The following SLCO5A1 variants were observed in gnomAD, a reference collection of about 807,000 sequenced individuals.
SLCO5A1 encodes the protein organic anion transporter polypeptide-related protein 4.
SLCO5A1 carries 39 observed loss-of-function variants against 65.1 expected under a neutral mutation model. That is an observed-to-expected ratio of 0.60 (90% CI 0.46 to 0.78). The LOEUF (loss-of-function observed/expected upper bound fraction) is 0.78. SLCO5A1 is among the 30% of genes least tolerant of loss of function. The probability of loss-of-function intolerance (pLI) is 0.00; values close to 1 mark genes in which losing one functional copy is unlikely to be tolerated. For missense variants in SLCO5A1, 1,029 were observed against 1,069.4 expected (o/e 0.96, Z 0.53); for synonymous variants, 438 against 415.7 (o/e 1.05, Z -0.65).
chr8:69,735,690 G>A lies in SLCO5A1; in HGVS notation c.1423+2350C>T, dbSNP rs114455855. ...TTGTGGGATTGAGGGGAGAAAGAGA[G>A]CATCAGGGAAAATAGCTAATGCATG... On this transcript the variant is annotated intron_variant, in intron 5 of 9. Transcript: ENST00000260126. 8.0e-3 allele frequency among the ~76,000 whole-genome samples: 1,218 copies of A among 151,948 alleles called. 13 individuals carry two copies. The highest frequency in any genetic ancestry group is 0.028 in the African/African-American group (1,163 of 41,274).
intron 5 of SLCO5A1, among the ~76,000 whole-genome samples, chr8:69,711,248 T>C (rs1469227733): frequency 6.6e-6 from 1 of 152,038 alleles, no homozygotes; most frequent in Non-Finnish European, 1.5e-5. Context: ...CCCTGGCTGG[T>C]GCCCTCTTTC....
At chr8:69,815,532 C>A (rs1319787489) in intron 2 of SLCO5A1, among the ~76,000 whole-genome samples, 7 of 152,046 alleles carry the variant, frequency 4.6e-5, no homozygotes, top group Non-Finnish European at 4.4e-5. Context: ...CCAGTTACTT[C>A]ATTGATGAGC....
chr8:69,735,156 A>T (rs1026924099), intron 5 of SLCO5A1, among the ~76,000 whole-genome samples: 1 of 152,206 alleles, frequency 6.6e-6, no homozygotes, highest in African/African-American at 2.4e-5. Context: ...CGATTATTAA[A>T]AAGTCAAGAA....
At chr8:69,802,313 G>A (rs1460144663) in intron 2 of SLCO5A1, among the ~76,000 whole-genome samples, 1 of 151,498 alleles carries the variant, frequency 6.6e-6, no homozygotes, top group Non-Finnish European at 1.5e-5. Flanking sequence ...GACCAGTCTG[G>A]GCAACATAGT....
chr8:69,730,703 C>T (rs893163782), intron 5 of SLCO5A1, among the ~76,000 whole-genome samples: 1 of 152,136 alleles, frequency 6.6e-6, no homozygotes, highest in Admixed American at 6.5e-5. Flanking sequence ...ATGGTTTGTA[C>T]CAGCTTGTCA....
rs189723047 is a variant in SLCO5A1 at position 69,802,175 on chromosome 8, T to C, written c.907+29592A>G. ...AGATTAATAATGGGGATCAGCACGA[T>C]AAAAGGGCTTAGAAAATTCTTCAAT... On this transcript the variant is annotated intron_variant, in intron 2 of 9. Coordinates refer to ENST00000260126, the MANE Select transcript of SLCO5A1 (RefSeq NM_030958.3). Among the ~76,000 whole-genome samples, 15 of 152,206 alleles carry C rather than the reference T, an allele frequency of 9.9e-5. No homozygotes were observed. The East Asian group carries it at 2.9e-3, about 29-fold the overall frequency.
At chr8:69,778,364 G>A (rs1339632684) in intron 2 of SLCO5A1, among the ~76,000 whole-genome samples, 3 of 151,986 alleles carry the variant, frequency 2.0e-5, no homozygotes, top group Non-Finnish European at 4.4e-5. Flanking sequence ...AGATCTAAAA[G>A]TGGATTCTGG....
At chr8:69,676,426 AAAC>A (rs1335360620) in intron 9 of SLCO5A1, among the ~76,000 whole-genome samples, 180 bp downstream of exon 9, 1 of 152,208 alleles carries the variant, frequency 6.6e-6, no homozygotes, top group African/African-American at 2.4e-5. Flanking sequence ...TTGTTTCATC[AAAC>A]AACAGAACCT....
rs1396256266 is a variant in SLCO5A1, at chr8:69,738,066, G to A, written c.1397C>T (p.Pro466Leu). Residue 466 changes from proline (P) to leucine (L), a missense_variant, in exon 5 of 10, where the codon CCA (proline) becomes CTA (leucine). Around this residue, in one of 3 missense-constraint regions of SLCO5A1, gnomAD observed 647 missense variants for 647.5 expected, o/e 1.00. Coordinates refer to ENST00000260126, the MANE Select transcript of SLCO5A1 (RefSeq NM_030958.3). Reference sequence around the variant, plus strand: ...AGTGTAGATGCTGGCATTGGAGGCTGGGATACCAAACTGTGACTCGATGAA... The same window carrying A: ...AGTGTAGATGCTGGCATTGGAGGCTAGGATACCAAACTGTGACTCGATGAA... ...PKFIESQFGIPASNASIYTGV... is the reference protein window; with the variant it reads ...PKFIESQFGILASNASIYTGV... The A allele has an allele frequency of 7.4e-6, 12 of 1,612,178 alleles. No individual in the cohort carries two copies. Among genetic ancestry groups the A allele is most frequent in the Non-Finnish European group, 1.0e-5 (12 of 1,179,158 alleles).
chr8:69,726,131 G>A (rs1816063091), intron 5 of SLCO5A1, among the ~76,000 whole-genome samples: 1 of 152,188 alleles, frequency 6.6e-6, no homozygotes, highest in Non-Finnish European at 1.5e-5. Context: ...CATACGGACT[G>A]TGCTATTAAT....
chr8:69,825,214 G>A (rs1820820706), intron 2 of SLCO5A1, among the ~76,000 whole-genome samples: 1 of 152,114 alleles, frequency 6.6e-6, no homozygotes, highest in Non-Finnish European at 1.5e-5. Context: ...TTGAAAACTG[G>A]CACAAGACAG....
chr8:69,705,782 A>G (rs994062270), intron 5 of SLCO5A1, among the ~76,000 whole-genome samples: 1 of 152,274 alleles, frequency 6.6e-6, no homozygotes, highest in Non-Finnish European at 1.5e-5. Context: ...TGAAAATTGT[A>G]AAGTCTGAAA....
chr8:69,675,076 C>A (rs986928945), intron 9 of SLCO5A1, among the ~76,000 whole-genome samples: 5 of 151,122 alleles, frequency 3.3e-5, no homozygotes, highest in Admixed American at 2.6e-4. Context: ...ATATATATTT[C>A]TTTTCTTATT....
rs185274922 is a variant in SLCO5A1, at chr8:69,685,181, C to T, written c.1623-2838G>A. ...AGAGAAGGTGATCATGGTACACACA[C>T]AAAAAGCTGCTGACGTGGTTCATCC... On this transcript the variant is annotated intron_variant, in intron 6 of 9. Transcript: ENST00000260126. Among the ~76,000 whole-genome samples, 4 of 152,348 alleles carry T rather than the reference C, an allele frequency of 2.6e-5. No individual in the cohort carries two copies. The East Asian group carries it at 7.7e-4, about 29-fold the overall frequency.
intron 2 of SLCO5A1, among the ~76,000 whole-genome samples, chr8:69,798,067 C>T (rs1480014142): frequency 6.6e-6 from 1 of 152,200 alleles, no homozygotes; most frequent in Non-Finnish European, 1.5e-5. Flanking sequence ...TACTCTTTCC[C>T]TTTACTTCTC....
intron 3 of SLCO5A1, among the ~76,000 whole-genome samples, chr8:69,759,465 C>T (rs28373868): frequency 0.071 from 10,783 of 152,150 alleles, 763 homozygotes; most frequent in African/African-American, 0.18. Flanking sequence ...CATGTAAACT[C>T]ATTCATTCCT....
At chr8:69,694,524 C>A (rs1225098733) in intron 6 of SLCO5A1, among the ~76,000 whole-genome samples, 3 of 152,210 alleles carry the variant, frequency 2.0e-5, no homozygotes, top group African/African-American at 7.2e-5. Flanking sequence ...GGCAGGCCAG[C>A]CACATACTGT....
intron 5 of SLCO5A1, among the ~76,000 whole-genome samples, chr8:69,728,487 A>G (rs1172962033): frequency 6.6e-6 from 1 of 152,212 alleles, no homozygotes; most frequent in Non-Finnish European, 1.5e-5. Context: ...AAACATCACA[A>G]TATATCAGAT....
intron 2 of SLCO5A1, among the ~76,000 whole-genome samples, chr8:69,796,727 T>G (rs1819517060): frequency 1.3e-5 from 2 of 152,000 alleles, no homozygotes; most frequent in Non-Finnish European, 2.9e-5. Flanking sequence ...TCAGGTCATT[T>G]CTTTGCTCAT....
Sources: allele counts gnomAD v4.1 joint callset (sites outside exome capture counted in the v4.1 genomes callset), GRCh38; gene constraint gnomAD v4.1.1; regional missense constraint gnomAD v4.1.1; transcripts MANE v1.5; gene names NCBI Gene and HGNC (gene_info 2026-07-23, HGNC 2026-07-21).